The following CAPZB variants were observed in gnomAD, a reference collection of about 807,000 sequenced individuals.
CAPZB encodes the protein capping actin protein of muscle Z-line subunit beta.
CAPZB carries 2 observed loss-of-function variants against 38.1 expected under a neutral mutation model. That is an observed-to-expected ratio of 0.05 (90% CI 0.02 to 0.17). CAPZB has a LOEUF of 0.17. CAPZB is among the 10% of genes least tolerant of loss of function. CAPZB has a pLI of 1.00. For synonymous variants in CAPZB, 107 were observed against 127.4 expected (o/e 0.84, Z 1.08); for missense variants, 161 against 334.2 (o/e 0.48, Z 4.04).
chr1:19,467,454 T>C (rs2094572669), intron 1 of CAPZB, among the ~76,000 whole-genome samples: 1 of 152,120 alleles, frequency 6.6e-6, no homozygotes. Flanking sequence ...TGTGCCACAC[T>C]CATTCTCCCT....
At chr1:19,452,762 C>A (rs1377819734) in intron 1 of CAPZB, among the ~76,000 whole-genome samples, 2 of 151,948 alleles carry the variant, frequency 1.3e-5, no homozygotes, top group Admixed American at 1.3e-4. Context: ...CCCCTCCAAG[C>A]CCCACCTTCG....
intron 4 of CAPZB, chr1:19,374,438 C>T (rs1191852865): frequency 6.6e-6 from 1 of 152,218 alleles, no homozygotes; most frequent in Non-Finnish European, 1.5e-5. Flanking sequence ...TCATCAGGAT[C>T]CAACAATTCA....
At chr1:19,342,623 A>G (rs214326) in intron 8 of CAPZB, 357,138 of 663,588 alleles carry the variant, frequency 0.54, 97,469 homozygotes, top group African/African-American at 0.65. Flanking sequence ...CTGTGCACCG[A>G]CCGGGAGCAC....
intron 3 of CAPZB, among the ~76,000 whole-genome samples, chr1:19,381,059 C>G (rs2094171789): frequency 6.6e-6 from 1 of 152,032 alleles, no homozygotes; most frequent in South Asian, 2.1e-4. Flanking sequence ...ATCCCAGCTA[C>G]TCAGGAGGCT....
At chr1:19,430,003 A>G (rs1333952297) in intron 1 of CAPZB, among the ~76,000 whole-genome samples, 1 of 152,154 alleles carries the variant, frequency 6.6e-6, no homozygotes, top group Non-Finnish European at 1.5e-5. Flanking sequence ...TAACTCCCTC[A>G]TGCAGCTTGC....
rs145305914 is a variant in CAPZB, at chr1:19,483,509, G to A, written c.3+1927C>T. On this transcript the variant is annotated intron_variant, in intron 1 of 8. Transcript: ENST00000264202. ...AGCACACCACAGTGACTGGCAGACA[G>A]TTCCTCCACCCTTTCCAGCCTTTTC... Among the ~76,000 whole-genome samples, 245 of 152,370 alleles carry A rather than the reference G, an allele frequency of 1.6e-3. 6 individuals carry two copies. The East Asian group carries it at 0.041, about 25-fold the overall frequency.
intron 2 of CAPZB, among the ~76,000 whole-genome samples, chr1:19,411,654 C>CAATT (rs142143482): frequency 0.021 from 3,164 of 152,282 alleles, 112 homozygotes; most frequent in African/African-American, 0.072. Context: ...TTACAGAAGG[C>CAATT]AATTAATCGC....
intron 2 of CAPZB, among the ~76,000 whole-genome samples, chr1:19,391,734 G>A (rs915203653): frequency 6.6e-6 from 1 of 152,124 alleles, no homozygotes; most frequent in East Asian, 1.9e-4. Context: ...GGAACTGGGG[G>A]TTACAACATC....
chr1:19,452,563 A>G (rs1266561118), intron 1 of CAPZB, among the ~76,000 whole-genome samples: 1 of 152,142 alleles, frequency 6.6e-6, no homozygotes, highest in East Asian at 1.9e-4. Context: ...ACACACCCTG[A>G]AGGCAGAGTC....
chr1:19,396,616 C>T (rs2094271056), intron 2 of CAPZB, among the ~76,000 whole-genome samples: 1 of 152,104 alleles, frequency 6.6e-6, no homozygotes, highest in Non-Finnish European at 1.5e-5. Flanking sequence ...GTCCTCAGTC[C>T]TCGGTCCAGC....
At chr1:19,457,810 A>G (rs1375403088) in intron 1 of CAPZB, among the ~76,000 whole-genome samples, 1 of 152,176 alleles carries the variant, frequency 6.6e-6, no homozygotes, top group Non-Finnish European at 1.5e-5. Flanking sequence ...CCAAACACAG[A>G]AACCACTTCA....
At chr1:19,438,816 C>T (rs944966897) in intron 1 of CAPZB, among the ~76,000 whole-genome samples, 1 of 152,206 alleles carries the variant, frequency 6.6e-6, no homozygotes, top group African/African-American at 2.4e-5. Context: ...TGCGTGACTC[C>T]CCACCGGGGC....
intron 4 of CAPZB, among the ~76,000 whole-genome samples, chr1:19,359,827 G>GT (rs1338111463): frequency 6.6e-6 from 1 of 152,228 alleles, no homozygotes; most frequent in Non-Finnish European, 1.5e-5. Context: ...GCTGGCAGAG[G>GT]TGATGTCCAG....
chr1:19,397,565 G>C (rs1028813711), intron 2 of CAPZB, among the ~76,000 whole-genome samples: 1 of 152,212 alleles, frequency 6.6e-6, no homozygotes, highest in African/African-American at 2.4e-5. Context: ...GTGGCAGAGA[G>C]AAGTACTTGG....
chr1:19,354,484 CAAAT>C (rs1463925008), intron 6 of CAPZB, among the ~76,000 whole-genome samples: 5 of 152,220 alleles, frequency 3.3e-5, no homozygotes, highest in Non-Finnish European at 7.3e-5. Flanking sequence ...TAATGCACCT[CAAAT>C]GAATGATGTG....
intron 4 of CAPZB, among the ~76,000 whole-genome samples, chr1:19,364,322 C>G (rs1179349793): frequency 6.6e-6 from 1 of 152,190 alleles, no homozygotes; most frequent in Non-Finnish European, 1.5e-5. Flanking sequence ...GACTGAGCAC[C>G]ACAGGGCAGG....
At position 19,381,923 on chromosome 1, in the gene CAPZB, A is replaced by G. The variant is rs1270734531; in HGVS notation, c.216-3270T>C. ...TGCTGTCGCCATGATTTATCTATAA[A>G]CAAGGCTTGGTTCTTCTGCTGGCCG... On this transcript the variant is annotated intron_variant, in intron 3 of 8. Transcript: ENST00000264202. Among the ~76,000 whole-genome samples the G allele has an allele frequency of 2.6e-5, 4 of 152,236 alleles. No homozygotes were observed. The East Asian group carries it at 7.7e-4, about 29-fold the overall frequency.
At chr1:19,387,534 T>C (rs1010555569) in intron 2 of CAPZB, among the ~76,000 whole-genome samples, 1 of 152,242 alleles carries the variant, frequency 6.6e-6, no homozygotes, top group African/African-American at 2.4e-5. Context: ...TCTCTGTTTA[T>C]AATGCTGGGA....
At chr1:19,367,980 G>A (rs2094099250) in intron 4 of CAPZB, among the ~76,000 whole-genome samples, 1 of 152,134 alleles carries the variant, frequency 6.6e-6, no homozygotes, top group Admixed American at 6.5e-5. Flanking sequence ...TGGCCCCATG[G>A]AGCTACCTCA....
Sources: gnomAD v4.1 joint callset for allele counts (sites outside exome capture counted in the v4.1 genomes callset) on GRCh38, gnomAD v4.1.1 for gene constraint, MANE v1.5 for transcripts, NCBI Gene and HGNC (gene_info 2026-07-23, HGNC 2026-07-21) for gene names.